Variants in PPP2R2B observed in about 807,000 individuals in gnomAD.
PPP2R2B encodes serine/threonine-protein phosphatase 2A 55 kDa regulatory subunit B beta isoform.
In PPP2R2B, 5 loss-of-function variants were observed where a neutral mutation model predicts 46.0. The observed-to-expected ratio is 0.11, with a 90% confidence interval of 0.06 to 0.23. The LOEUF is 0.23. Among genes scored for constraint, PPP2R2B ranks in the 10% least tolerant of loss-of-function variants. PPP2R2B has a pLI of 1.00. For missense variants in PPP2R2B, 367 were observed against 575.0 expected, an observed-to-expected ratio of 0.64 and a Z score of 3.70; for synonymous variants, 215 against 206.7, an observed-to-expected ratio of 1.04 and a Z score of -0.34.
intron 5 of PPP2R2B, among the ~76,000 whole-genome samples, chr5:146,673,989 ACT>A (rs957223507): frequency 1.3e-5 from 2 of 152,012 alleles, no homozygotes; most frequent in Non-Finnish European, 2.9e-5. Context: ...AGGCAAATAA[ACT>A]CTGACCATAC....
At chr5:147,081,387 G>C in exon 1 of PPP2R2B, 1 of 1,287,998 alleles carries the variant, frequency 7.8e-7, no homozygotes, top group Non-Finnish European at 1.1e-6. Flanking sequence ...GTTTGAACTG[G>C]AGCAATTGGA....
Position 146,900,554 on chromosome 5 carries a change from TCTTCCTTC to T in PPP2R2B, c.79+155103_79+155110del, listed in dbSNP as rs145747835. ...TCCTTTCCTTTCTTTTTCCTTCCTT[TCTTCCTTC>T]CTTCCTTCCTTCCTTCCTTCCTTCC... On this transcript the variant is annotated intron_variant, in intron 1 of 8. Coordinates refer to the PPP2R2B transcript ENST00000336640. 7.6e-3 allele frequency among the ~76,000 whole-genome samples: 839 copies of T among 110,126 alleles called. 7 individuals are homozygous for T. The highest frequency in any genetic ancestry group is 0.019 in the Admixed American group (172 of 9,226). 72.2% of individuals were successfully genotyped at this position (110,126 alleles called of 152,430 possible). A position where few individuals can be genotyped will look rare whatever the true frequency, so the allele number is the denominator to read the frequency against.
At chr5:146,748,556 T>A (rs1753337421) in intron 2 of PPP2R2B, among the ~76,000 whole-genome samples, 1 of 152,220 alleles carries the variant, frequency 6.6e-6, no homozygotes, top group Non-Finnish European at 1.5e-5. Flanking sequence ...ACAACATTCT[T>A]GAAATGATGA....
rs1172215143 is a variant in PPP2R2B, at chr5:146,587,016, C to T, written c.*2931G>A. The T allele has an allele frequency of 2.6e-5, 4 of 152,126 alleles. No homozygotes were observed. The highest frequency in any genetic ancestry group is 9.7e-5 in the African/African-American group (4 of 41,422). The allele number at this position is 152,126 out of a possible 1,614,324, so 9.4% of individuals were successfully genotyped here. On this transcript the variant is annotated 3_prime_UTR_variant, in exon 10 of 10. Transcript: ENST00000394411. The stretch of plus-strand genomic sequence containing the variant: ...CCATTTTCCTTCATTCAACTGACAC[C>T]CTCCAGTTGTAATCTGATGGCTCTT...
intron 5 of PPP2R2B, among the ~76,000 whole-genome samples, chr5:146,690,551 T>C (rs1271359207): frequency 1.3e-5 from 2 of 152,210 alleles, no homozygotes; most frequent in East Asian, 1.9e-4. Context: ...GTAGAGATCA[T>C]ATATTGAGGA....
At chr5:146,740,964 G>A (rs1473468904) in intron 2 of PPP2R2B, among the ~76,000 whole-genome samples, 7 of 151,446 alleles carry the variant, frequency 4.6e-5, no homozygotes, top group African/African-American at 1.7e-4. Flanking sequence ...TTGAACCCGG[G>A]AGGCGGAGGT....
At chr5:146,692,680 C>A (rs1036135152) in intron 4 of PPP2R2B, among the ~76,000 whole-genome samples, 2 of 151,880 alleles carry the variant, frequency 1.3e-5, no homozygotes, top group African/African-American at 4.8e-5. Flanking sequence ...ACTACAGGCA[C>A]CCACCACCAC....
rs1436543915 is a variant in PPP2R2B, at chr5:146,580,885, G to C, written c.*9062C>G. ...GAGTTAATGAATCAACCCCGTGCTG[G>C]TCAAAGTGAAGAGCTTCTTTGAGTC... On this transcript the variant is annotated 3_prime_UTR_variant, in exon 10 of 10. Transcript: ENST00000394411. Among the ~76,000 whole-genome samples the C allele has an allele frequency of 6.6e-6, 1 of 152,138 alleles. No homozygotes were observed. The highest frequency in any genetic ancestry group is 1.5e-5 in the Non-Finnish European group (1 of 68,016).
upstream of PPP2R2B, chr5:147,056,195 A>G (rs918982637): frequency 8.0e-5 from 71 of 883,928 alleles, no homozygotes; most frequent in Middle Eastern, 5.7e-4. Context: ...GATGAAACAA[A>G]GACAGCATAG....
At chr5:146,909,520 CT>C (rs1264512564) in intron 1 of PPP2R2B, among the ~76,000 whole-genome samples, 1 of 152,188 alleles carries the variant, frequency 6.6e-6, no homozygotes, top group East Asian at 1.9e-4. Flanking sequence ...GCTAGGCAAT[CT>C]GCATAATAAC....
chr5:147,059,133 G>T (rs982124697), upstream of PPP2R2B, among the ~76,000 whole-genome samples: 2 of 152,090 alleles, frequency 1.3e-5, no homozygotes, highest in African/African-American at 4.8e-5. Flanking sequence ...GGCAACATAG[G>T]ATATGAGATA....
chr5:147,010,108 G>C (rs991776405), intron 1 of PPP2R2B, among the ~76,000 whole-genome samples: 1 of 152,090 alleles, frequency 6.6e-6, no homozygotes. Flanking sequence ...TCCAATTTTT[G>C]TGGTTGACAT....
At chr5:146,784,980 A>C (rs968048414) in intron 2 of PPP2R2B, among the ~76,000 whole-genome samples, 2 of 152,222 alleles carry the variant, frequency 1.3e-5, no homozygotes, top group Non-Finnish European at 2.9e-5. Context: ...ACAGAAAATA[A>C]GAGTCACCCA....
At chr5:147,049,241 T>C (rs1756683931) in intron 1 of PPP2R2B, among the ~76,000 whole-genome samples, 2 of 152,098 alleles carry the variant, frequency 1.3e-5, no homozygotes, top group Admixed American at 1.3e-4. Flanking sequence ...GCCCAAAGGA[T>C]GTACCATAGA....
intron 7 of PPP2R2B, among the ~76,000 whole-genome samples, chr5:146,619,213 AG>A (rs2093571950): frequency 6.6e-6 from 1 of 151,376 alleles, no homozygotes; most frequent in South Asian, 2.1e-4. Flanking sequence ...GGCAAACTAG[AG>A]TGTCCACACC....
chr5:146,958,161 C>T (rs1454048544), intron 1 of PPP2R2B, among the ~76,000 whole-genome samples: 6 of 152,036 alleles, frequency 3.9e-5, no homozygotes, highest in Non-Finnish European at 5.9e-5. Flanking sequence ...GCAGATCTCC[C>T]GAAGGCCCCA....
intron 1 of PPP2R2B, among the ~76,000 whole-genome samples, chr5:146,921,207 G>C (rs1339646916): frequency 6.6e-6 from 1 of 152,134 alleles, no homozygotes; most frequent in Non-Finnish European, 1.5e-5. Context: ...ATTAATAAAA[G>C]ATATCATGTC....
chr5:146,822,197 C>T (rs1758303955), intron 2 of PPP2R2B, among the ~76,000 whole-genome samples: 2 of 152,180 alleles, frequency 1.3e-5, no homozygotes, highest in African/African-American at 4.8e-5. Flanking sequence ...ACTGGCTCCT[C>T]AATTTAGAGC....
intron 1 of PPP2R2B, among the ~76,000 whole-genome samples, chr5:147,048,229 T>A (rs1287320267): frequency 6.6e-6 from 1 of 152,148 alleles, no homozygotes; most frequent in East Asian, 1.9e-4. Context: ...CTAAGAACAA[T>A]GCCTGAAATG....
Sources: gnomAD v4.1 joint callset for allele counts (sites outside exome capture counted in the v4.1 genomes callset) on GRCh38, gnomAD v4.1.1 for gene constraint, MANE v1.5 for transcripts, NCBI Gene and HGNC (gene_info 2026-07-23, HGNC 2026-07-21) for gene names.